The following EFR3A variants were observed in gnomAD, a reference collection of about 807,000 sequenced individuals.
The protein encoded by EFR3A is protein EFR3 homolog A.
In EFR3A, 76 loss-of-function variants were observed where a neutral mutation model predicts 104.4. That is an observed-to-expected ratio of 0.73 (90% CI 0.60 to 0.88). The LOEUF (loss-of-function observed/expected upper bound fraction) is 0.88. Ranked by LOEUF, EFR3A falls within the 40% of genes least tolerant of loss-of-function variation. The pLI is 0.00. For missense variants in EFR3A, 985 were observed against 1,012.5 expected (o/e 0.97, Z 0.37); for synonymous variants, 330 against 330.0 (o/e 1.00, Z 0.00).
At chr8:131,957,301 A>G (rs907219130) in intron 7 of EFR3A, among the ~76,000 whole-genome samples, 4 of 152,022 alleles carry the variant, frequency 2.6e-5, no homozygotes, top group Non-Finnish European at 5.9e-5. Context: ...GTGCTCTAGC[A>G]GATCAAAACA....
At chr8:131,961,404 C>T (rs1386749996) in intron 8 of EFR3A, among the ~76,000 whole-genome samples, 3 of 152,178 alleles carry the variant, frequency 2.0e-5, no homozygotes, top group Admixed American at 6.5e-5. Context: ...ACGAGAACTA[C>T]TTGACGAATG....
chr8:131,986,866 C>T (rs1190782291), intron 17 of EFR3A, among the ~76,000 whole-genome samples: 2 of 150,894 alleles, frequency 1.3e-5, no homozygotes, highest in African/African-American at 4.9e-5. Flanking sequence ...TTAAATATAG[C>T]ATATTTTATG....
intron 1 of EFR3A, among the ~76,000 whole-genome samples, chr8:131,907,840 C>T (rs1157202393): frequency 6.6e-6 from 1 of 151,742 alleles, no homozygotes; most frequent in Non-Finnish European, 1.5e-5. Context: ...TCCCATCTCC[C>T]TCCTTCCTCC....
At chr8:132,008,846 CAAAAAAAAAAAAAAAA>C (rs55964352) in intron 22 of EFR3A, among the ~76,000 whole-genome samples, 8 of 32,170 alleles carry the variant, frequency 2.5e-4, no homozygotes, top group African/African-American at 5.9e-4. Context: ...AACTCCATCT[CAAAAAAAAAAAAAAAA>C]AAAAAAAAAA....
chr8:131,942,507 A>T (rs536772764), intron 2 of EFR3A, among the ~76,000 whole-genome samples: 2 of 152,226 alleles, frequency 1.3e-5, no homozygotes, highest in East Asian at 3.9e-4. Flanking sequence ...GTCATCATGT[A>T]ATGGAAGTAA....
chr8:132,007,242 C>G (rs1822099210), intron 22 of EFR3A, among the ~76,000 whole-genome samples: 1 of 151,160 alleles, frequency 6.6e-6, no homozygotes, highest in African/African-American at 2.4e-5. Flanking sequence ...CGTAAGTAAT[C>G]AAGAAAAAAA....
At chr8:131,919,926 G>C (rs1473204452) in intron 1 of EFR3A, among the ~76,000 whole-genome samples, 3 of 151,700 alleles carry the variant, frequency 2.0e-5, no homozygotes, top group East Asian at 1.9e-4. Flanking sequence ...TCCAGTATCA[G>C]ATTACTGTAG....
At chr8:131,969,126 T>C (rs201712453) in intron 9 of EFR3A, among the ~76,000 whole-genome samples, 1 of 152,178 alleles carries the variant, frequency 6.6e-6, no homozygotes, top group Non-Finnish European at 1.5e-5. Context: ...GTCAAGTTGA[T>C]AGGATTTGAT....
chr8:131,961,292 CAAAGAAGTTAAAAACCTTGAAA>C, intron 8 of EFR3A, among the ~76,000 whole-genome samples: 1 of 152,144 alleles, frequency 6.6e-6, no homozygotes, highest in Middle Eastern at 3.4e-3. Flanking sequence ...GAACCCATGG[CAAAGAAGTTAAAAACCTTGAAA>C]AAAGATTAGA....
chr8:131,990,312 G>A (rs1047246140), intron 18 of EFR3A, among the ~76,000 whole-genome samples: 1 of 152,146 alleles, frequency 6.6e-6, no homozygotes, highest in Non-Finnish European at 1.5e-5. Context: ...TATTATTAGG[G>A]ACATTTAGGG....
Position 131,950,089 on chromosome 8 carries a change from G to C in EFR3A, c.487G>C (p.Glu163Gln). Residue 163 changes from glutamate (E) to glutamine (Q), a missense_variant and splice_region_variant, in exon 5 of 23, where the codon GAG (glutamate) becomes CAG (glutamine). By Grantham distance (29) the Glu-to-Gln change is conservative. Transcript: ENST00000254624. ...SCHSDPEIRTEIRIAGIRGIQ... is the reference protein window; with the variant it reads ...SCHSDPEIRTQIRIAGIRGIQ... The stretch of plus-strand genomic sequence containing the variant: ...TCATAGTGATCCAGAAATACGAACA[G>C]AGTATGTATTATTTTACTTTATGAT... 6.2e-7 allele frequency: 1 copy of C among 1,603,630 alleles called. No individual in the cohort carries two copies. The highest frequency in any genetic ancestry group is 8.5e-7 in the Non-Finnish European group (1 of 1,174,300).
intron 1 of EFR3A, among the ~76,000 whole-genome samples, chr8:131,915,593 G>A (rs1816707720): frequency 6.6e-6 from 1 of 152,220 alleles, no homozygotes; most frequent in East Asian, 1.9e-4. Context: ...TTAGAATGGT[G>A]CTATTGGGGG....
At chr8:131,916,375 A>G (rs1453360806) in intron 1 of EFR3A, among the ~76,000 whole-genome samples, 1 of 152,196 alleles carries the variant, frequency 6.6e-6, no homozygotes, top group Admixed American at 6.5e-5. Context: ...GAGAAAGGGG[A>G]GTAAGGATTT....
In EFR3A at chr8:131,921,754, G is replaced by A. The variant is rs114128533; in HGVS notation, c.10+17432G>A. ...TTTTGTATGTTACTATTGAGATGAG[G>A]GAGGAATGTTTGAGTTTGAGTGACT... On this transcript the variant is annotated intron_variant, in intron 1 of 22. Coordinates refer to ENST00000254624, the MANE Select transcript of EFR3A (RefSeq NM_015137.6). 4.8e-3 allele frequency among the ~76,000 whole-genome samples: 737 copies of A among 152,006 alleles called. 7 individuals carry two copies. Among genetic ancestry groups the A allele is most frequent in the African/African-American group, 0.016 (685 of 41,522 alleles).
intron 1 of EFR3A, among the ~76,000 whole-genome samples, chr8:131,939,000 T>A (rs952564801): frequency 1.3e-5 from 2 of 152,042 alleles, no homozygotes; most frequent in African/African-American, 4.8e-5. Flanking sequence ...TATGTAAAAT[T>A]TATTGTGATT....
rs1817497111 is a variant in EFR3A, at chr8:131,929,834, G to A, written c.11-10665G>A. On this transcript the variant is annotated intron_variant, in intron 1 of 22. Transcript: ENST00000254624. ...AACCAACTGAAATACAGAAATATAA[G>A]AGTCAGTTTGAAGCAAGTCAAAATA... Among the ~76,000 whole-genome samples the A allele has an allele frequency of 3.3e-5, 5 of 152,132 alleles. No homozygotes were observed. The South Asian group carries it at 1.0e-3, about 32-fold the overall frequency.
intron 1 of EFR3A, among the ~76,000 whole-genome samples, chr8:131,915,186 T>A (rs1413872101): frequency 6.6e-6 from 1 of 152,184 alleles, no homozygotes; most frequent in Non-Finnish European, 1.5e-5. Context: ...AAGTTTGAGG[T>A]TTATAGTATT....
intron 1 of EFR3A, among the ~76,000 whole-genome samples, chr8:131,919,085 ATT>A (rs35514095): frequency 6.8e-4 from 101 of 148,600 alleles, no homozygotes; most frequent in African/African-American, 2.3e-3. Context: ...TTTGTCAGTG[ATT>A]TTTTTTTTTT....
At position 132,001,747 on chromosome 8, in the gene EFR3A, A is replaced by G. The variant is rs779426337; in HGVS notation, c.2158-12A>G. ...TTTTTAACTCTCGATTTCACTTATCACTTTTCTCTAGGTTAGTAACACTGA... is the reference window on the plus strand; with the variant it reads ...TTTTTAACTCTCGATTTCACTTATCGCTTTTCTCTAGGTTAGTAACACTGA... On this transcript the variant is annotated splice_polypyrimidine_tract_variant and intron_variant, in intron 19 of 22. Coordinates refer to ENST00000254624, the MANE Select transcript of EFR3A (RefSeq NM_015137.6). 4 of 1,611,512 alleles carry G rather than the reference A, an allele frequency of 2.5e-6. No homozygotes were observed. The highest frequency in any genetic ancestry group is 1.7e-6 in the Non-Finnish European group (2 of 1,177,980).
Sources: allele counts gnomAD v4.1 joint callset (sites outside exome capture counted in the v4.1 genomes callset), GRCh38; gene constraint gnomAD v4.1.1; transcripts MANE v1.5; gene names NCBI Gene and HGNC (gene_info 2026-07-23, HGNC 2026-07-21).